Variants in DOK5 observed in about 807,000 individuals in gnomAD.
DOK5 encodes docking protein 5, also known as downstream of tyrosine kinase 5.
DOK5 carries 27 observed loss-of-function variants against 43.3 expected under a neutral mutation model. The observed-to-expected ratio is 0.62, with a 90% CI of 0.46 to 0.86. The LOEUF (loss-of-function observed/expected upper bound fraction) is 0.86, where lower values mean the gene tolerates loss of function less well. Ranked by LOEUF, DOK5 falls within the 40% of genes least tolerant of loss-of-function variation. The probability of loss-of-function intolerance (pLI) is 0.00; values close to 1 mark genes in which losing one functional copy is unlikely to be tolerated. For synonymous variants in DOK5, 146 were observed against 140.1 expected, an observed-to-expected ratio of 1.04 and a Z score of -0.30; for missense variants, 373 against 392.9, an observed-to-expected ratio of 0.95 and a Z score of 0.43.
chr20:54,618,092 C>T (rs1249936672), intron 6 of DOK5, among the ~76,000 whole-genome samples: 2 of 152,142 alleles, frequency 1.3e-5, no homozygotes, highest in African/African-American at 4.8e-5. Flanking sequence ...ACAGGGCTTA[C>T]AATGGAAAAG....
At position 54,628,403 on chromosome 20, in the gene DOK5, C is replaced by T. The variant is rs1362956694; in HGVS notation, c.736-15055C>T. On this transcript the variant is annotated intron_variant, in intron 6 of 7. Transcript: ENST00000262593. ...CAGCCTGGGCGACAGAGCGAGACTCCGTCTCAAAAAAAAAAAAAAAAAAAA... is the reference window on the plus strand; with the variant it reads ...CAGCCTGGGCGACAGAGCGAGACTCTGTCTCAAAAAAAAAAAAAAAAAAAA... Among the ~76,000 whole-genome samples, 7 of 89,018 alleles carry T rather than the reference C, an allele frequency of 7.9e-5. No homozygotes were observed. The South Asian group carries it at 1.8e-3, about 23-fold the overall frequency. The allele number at this position is 89,018 out of a possible 152,430, so 58.4% of individuals were successfully genotyped here.
At chr20:54,509,611 T>G (rs568419883) in intron 1 of DOK5, among the ~76,000 whole-genome samples, 1 of 152,248 alleles carries the variant, frequency 6.6e-6, no homozygotes, top group Non-Finnish European at 1.5e-5. Flanking sequence ...CTTATTTATC[T>G]TTAACATCTG....
intron 1 of DOK5, among the ~76,000 whole-genome samples, chr20:54,480,062 C>T (rs920213275): frequency 2.0e-5 from 3 of 152,156 alleles, no homozygotes; most frequent in Non-Finnish European, 4.4e-5. Flanking sequence ...TTCCTGCCTA[C>T]ACTCTTGCTC....
chr20:54,647,296 C>T (rs1979476786), intron 7 of DOK5, among the ~76,000 whole-genome samples: 1 of 151,918 alleles, frequency 6.6e-6, no homozygotes, highest in African/African-American at 2.4e-5. Context: ...CCTGAGATCT[C>T]GAGTTCAAGA....
chr20:54,588,549 G>C lies in DOK5; in HGVS notation c.241G>C (p.Gly81Arg), dbSNP rs1331014339. The change falls in exon 3 of 8, where the codon GGG becomes CGG. Residue 81 changes from glycine to arginine, a missense_variant. Coordinates refer to ENST00000262593, the MANE Select transcript of DOK5 (RefSeq NM_018431.5). The stretch of plus-strand genomic sequence containing the variant: ...AAAAAGCACCAAGAAACATGCCATA[G>C]GGATTTATTTCAATGACGATACCTC... ...LPKSTKKHAI[G>R]IYFNDDTSKT... The C allele has an allele frequency of 6.2e-7, 1 of 1,614,160 alleles. No homozygotes were observed. The highest frequency in any genetic ancestry group is 8.5e-7 in the Non-Finnish European group (1 of 1,180,004).
At chr20:54,504,228 T>C (rs1982723880) in intron 1 of DOK5, among the ~76,000 whole-genome samples, 2 of 152,192 alleles carry the variant, frequency 1.3e-5, no homozygotes, top group East Asian at 3.8e-4. Context: ...GCTACCTTTG[T>C]CCACCTTCTA....
intron 1 of DOK5, among the ~76,000 whole-genome samples, chr20:54,537,113 C>A (rs564869751): frequency 2.0e-5 from 3 of 152,128 alleles, no homozygotes; most frequent in Non-Finnish European, 4.4e-5. Context: ...AGCAATAATG[C>A]GGGGGCCTGT....
At chr20:54,558,224 A>C (rs757435850) in intron 2 of DOK5, among the ~76,000 whole-genome samples, 1 of 152,210 alleles carries the variant, frequency 6.6e-6, no homozygotes, top group Non-Finnish European at 1.5e-5. Flanking sequence ...AAAAATATAA[A>C]ACCAAAGTGG....
intron 7 of DOK5, among the ~76,000 whole-genome samples, chr20:54,646,929 G>T (rs1979459206): frequency 6.6e-6 from 1 of 150,800 alleles, no homozygotes; most frequent in Admixed American, 6.6e-5. Flanking sequence ...GGAGGTTAAG[G>T]TTGGAAATCA....
chr20:54,536,293 C>G (rs1983961933), intron 1 of DOK5, among the ~76,000 whole-genome samples: 1 of 152,192 alleles, frequency 6.6e-6, no homozygotes, highest in African/African-American at 2.4e-5. Context: ...GCCTTAGTCA[C>G]TGCCATAATC....
chr20:54,639,016 T>C (rs1268928335), intron 6 of DOK5, among the ~76,000 whole-genome samples: 1 of 152,144 alleles, frequency 6.6e-6, no homozygotes, highest in Non-Finnish European at 1.5e-5. Context: ...CTCAGATGTA[T>C]TTGAAAAATT....
chr20:54,529,097 A>G (rs899154427), intron 1 of DOK5, among the ~76,000 whole-genome samples: 1 of 152,218 alleles, frequency 6.6e-6, no homozygotes, highest in Non-Finnish European at 1.5e-5. Flanking sequence ...TGGTCTTTTT[A>G]TCTCTACTAA....
At chr20:54,497,462 C>T (rs952995058) in intron 1 of DOK5, among the ~76,000 whole-genome samples, 1 of 152,146 alleles carries the variant, frequency 6.6e-6, no homozygotes, top group African/African-American at 2.4e-5. Context: ...GTAACATCTT[C>T]TAAATGGAGG....
intron 1 of DOK5, among the ~76,000 whole-genome samples, chr20:54,547,814 C>A (rs1186894207): frequency 6.6e-6 from 1 of 152,200 alleles, no homozygotes; most frequent in East Asian, 1.9e-4. Flanking sequence ...ATGTGCTTAT[C>A]TGCTTAAGCT....
chr20:54,497,678 A>G (rs1203697253), intron 1 of DOK5, among the ~76,000 whole-genome samples: 4 of 152,176 alleles, frequency 2.6e-5, no homozygotes, highest in Non-Finnish European at 5.9e-5. Flanking sequence ...CCACATATAT[A>G]TTTCTGCATG....
chr20:54,490,258 G>C (rs1013289287), intron 1 of DOK5, among the ~76,000 whole-genome samples: 1 of 152,106 alleles, frequency 6.6e-6, no homozygotes, highest in African/African-American at 2.4e-5. Flanking sequence ...TATGTTAACT[G>C]TTACTGTATT....
intron 1 of DOK5, among the ~76,000 whole-genome samples, chr20:54,486,202 T>G (rs777078026): frequency 2.6e-5 from 4 of 152,196 alleles, no homozygotes; most frequent in Non-Finnish European, 5.9e-5. Context: ...GTTATGCCTA[T>G]GGATGTACAG....
At position 54,498,303 on chromosome 20, in the gene DOK5, T is replaced by C. The variant is rs112442773; in HGVS notation, c.66+22291T>C. Among the ~76,000 whole-genome samples the C allele has an allele frequency of 4.0e-3, 612 of 152,356 alleles. 4 individuals carry two copies. Among genetic ancestry groups the C allele is most frequent in the African/African-American group, 0.014 (581 of 41,592 alleles). Reference sequence around the variant, plus strand: ...TTAGTGACCATTACTAATGTTGTTTTAATTAAAAGCACTGATAGCTCAGGG... The same window carrying C: ...TTAGTGACCATTACTAATGTTGTTTCAATTAAAAGCACTGATAGCTCAGGG... On this transcript the variant is annotated intron_variant, in intron 1 of 7. Coordinates refer to ENST00000262593, the MANE Select transcript of DOK5 (RefSeq NM_018431.5).
intron 1 of DOK5, among the ~76,000 whole-genome samples, chr20:54,491,071 A>G (rs1262208672): frequency 6.6e-6 from 1 of 152,180 alleles, no homozygotes; most frequent in Non-Finnish European, 1.5e-5. Context: ...TTGACCATCC[A>G]ATCTTAGGTG....
Sources: allele counts gnomAD v4.1 joint callset (sites outside exome capture counted in the v4.1 genomes callset), GRCh38; gene constraint gnomAD v4.1.1; transcripts MANE v1.5; gene names NCBI Gene and HGNC (gene_info 2026-07-23, HGNC 2026-07-21).